The following PCDHGB2 variants were observed in gnomAD, a reference collection of about 807,000 sequenced individuals.
PCDHGB2 encodes the protein protocadherin gamma subfamily B, 2, also known as protocadherin gamma-B2.
PCDHGB2 carries 55 observed loss-of-function variants against 59.3 expected under a neutral mutation model. That is an observed-to-expected ratio of 0.93 (90% confidence interval 0.75 to 1.16). The LOEUF is 1.16. Ranked by LOEUF, PCDHGB2 falls within the 50% of genes most tolerant of loss-of-function variation. PCDHGB2 has a pLI of 0.00. For synonymous variants in PCDHGB2, 516 were observed against 512.0 expected, an observed-to-expected ratio of 1.01 and a Z score of -0.11; for missense variants, 1,228 against 1,198.5, an observed-to-expected ratio of 1.02 and a Z score of -0.36.
At chr5:141,478,496 C>G in intron 1 of PCDHGB2, 1 of 1,613,014 alleles carries the variant, frequency 6.2e-7, no homozygotes, top group Non-Finnish European at 8.5e-7. Flanking sequence ...GAGCTGTGAT[C>G]CGGTGTTCTA....
chr5:141,423,923 G>A (rs2096790975), intron 1 of PCDHGB2: 2 of 1,254,626 alleles, frequency 1.6e-6, no homozygotes, highest in African/African-American at 1.6e-5. Flanking sequence ...CAACTATGCT[G>A]GTTTGGTTTG....
intron 1 of PCDHGB2, chr5:141,398,979 C>T (rs769465343): frequency 1.9e-6 from 3 of 1,613,778 alleles, no homozygotes; most frequent in African/African-American, 1.3e-5. Context: ...TCTACAGAAC[C>T]GGGCAAATCT....
intron 1 of PCDHGB2, chr5:141,376,596 T>C: frequency 6.5e-7 from 1 of 1,549,136 alleles, no homozygotes; most frequent in South Asian, 1.2e-5. Flanking sequence ...GATCGGCTGT[T>C]ATAGAAGCGA....
At chr5:141,464,263 TAA>T (rs35224477) in intron 1 of PCDHGB2, among the ~76,000 whole-genome samples, 15 of 103,552 alleles carry the variant, frequency 1.4e-4, no homozygotes, top group Admixed American at 3.2e-4. Context: ...AGACTCCGTC[TAA>T]AAAAAAAAAA....
Position 141,476,540 on chromosome 5 carries a change from T to C in PCDHGB2, c.2422-18267T>C, listed in dbSNP as rs148362631. On this transcript the variant is annotated intron_variant, in intron 1 of 3. Coordinates refer to ENST00000522605, the MANE Select transcript of PCDHGB2 (RefSeq NM_018923.3). The surrounding 1 kb of genome is among the most constrained non-coding windows in gnomAD (Gnocchi z 7.6). Reference sequence around the variant, plus strand: ...TGCTTTCCCTACCCAGGAAATGAAATTGGAGATTAGCGAGGCCGTGGCTCC... The same window carrying C: ...TGCTTTCCCTACCCAGGAAATGAAACTGGAGATTAGCGAGGCCGTGGCTCC... 9.4e-5 allele frequency: 151 copies of C among 1,614,122 alleles called. 1 individual carries two copies. In the African/African-American group the frequency reaches 1.3e-3, roughly 14 times the overall value.
At chr5:141,479,084 G>A (rs749298402) in intron 1 of PCDHGB2, among the ~76,000 whole-genome samples, 19 of 152,016 alleles carry the variant, frequency 1.2e-4, no homozygotes, top group Non-Finnish European at 1.9e-4. Flanking sequence ...GAAATTCCAG[G>A]CATCCTTTAA....
chr5:141,386,595 AT>A (rs373179212), intron 1 of PCDHGB2, among the ~76,000 whole-genome samples: 3,552 of 145,572 alleles, frequency 0.024, 119 homozygotes, highest in African/African-American at 0.079. Flanking sequence ...TGGGGGATAC[AT>A]TTTTTTTTTT....
intron 1 of PCDHGB2, chr5:141,429,169 T>TACAC (rs10667977): frequency 0.077 from 11,199 of 145,388 alleles, 458 homozygotes; most frequent in African/African-American, 0.081. Flanking sequence ...ACATTGTTTA[T>TACAC]ACACACACAC....
chr5:141,394,048 G>A (rs1285768639), intron 1 of PCDHGB2: 5 of 1,613,504 alleles, frequency 3.1e-6, no homozygotes, highest in South Asian at 1.1e-5. Context: ...TATTTGGACC[G>A]AGAAAATGTC....
In PCDHGB2 at chr5:141,476,622, T is replaced by C. The variant is rs1480639256; in HGVS notation, c.2422-18185T>C. The C allele has an allele frequency of 6.2e-7, 1 of 1,614,238 alleles. No individual in the cohort carries two copies. The highest frequency in any genetic ancestry group is 2.2e-5 in the East Asian group (1 of 44,878). On this transcript the variant is annotated intron_variant, in intron 1 of 3. Transcript: ENST00000522605. This position sits in a 1 kb window ranked among gnomAD's most constrained non-coding sequence, Gnocchi z 7.6. ...GATCCCGATGTGGGAAGCAACTCTT[T>C]ACAAACCTATGAGCTGAGCCGAAAT...
rs747179611 is a variant in PCDHGB2 at position 141,476,473 on chromosome 5, C to T, written c.2422-18334C>T. ...TAGTGGAGAACCCGCTGGAGCTGTT[C>T]AGCGTGGAAGTGGTGATCCAGGACA... On this transcript the variant is annotated intron_variant, in intron 1 of 3. Coordinates refer to ENST00000522605, the MANE Select transcript of PCDHGB2 (RefSeq NM_018923.3). The surrounding 1 kb of genome is among the most constrained non-coding windows in gnomAD (Gnocchi z 7.6). 3.1e-6 allele frequency: 5 copies of T among 1,613,888 alleles called. No homozygotes were observed. The highest frequency in any genetic ancestry group is 3.3e-5 in the Admixed American group (2 of 59,984).
intron 1 of PCDHGB2, chr5:141,385,874 A>G (rs1465622834): frequency 6.5e-6 from 1 of 153,030 alleles, no homozygotes; most frequent in Non-Finnish European, 1.5e-5. Context: ...GGTTGGATTT[A>G]TGCCTAAAGA....
At chr5:141,421,718 G>C (rs778263773) in intron 1 of PCDHGB2, 1 of 1,613,966 alleles carries the variant, frequency 6.2e-7, no homozygotes, top group Middle Eastern at 1.7e-4. Context: ...CCAGATGTGG[G>C]CGTGAACTCC....
At chr5:141,426,427 G>A in intron 1 of PCDHGB2, 2 of 293,710 alleles carry the variant, frequency 6.8e-6, no homozygotes, top group Non-Finnish European at 1.3e-5. Context: ...CTCCGTGGTG[G>A]GGAACCTTGC....
intron 1 of PCDHGB2, chr5:141,370,882 G>A (rs762362899): frequency 6.2e-7 from 1 of 1,613,894 alleles, no homozygotes. Flanking sequence ...CCTGATGTAG[G>A]TGTCAATTCG....
At position 141,408,464 on chromosome 5, in the gene PCDHGB2, A is replaced by G. The variant is rs764186219; in HGVS notation, c.2421+45908A>G. ...GGAGAGCGGGGACTTACTTGTGAAG[A>G]ACCGAATAGACCGTGAGCAAATATG... On this transcript the variant is annotated intron_variant, in intron 1 of 3. Coordinates refer to ENST00000522605, the MANE Select transcript of PCDHGB2 (RefSeq NM_018923.3). The G allele has an allele frequency of 3.8e-5, 61 of 1,613,880 alleles. No homozygotes were observed. Among genetic ancestry groups the G allele is most frequent in the South Asian group, 1.4e-4 (13 of 91,024 alleles).
intron 3 of PCDHGB2, among the ~76,000 whole-genome samples, chr5:141,508,506 C>G (rs2099869342): frequency 6.6e-6 from 1 of 152,180 alleles, no homozygotes; most frequent in Admixed American, 6.5e-5. Context: ...TCTCTCCCTC[C>G]TGGTCCAGCC....
intron 1 of PCDHGB2, chr5:141,426,945 A>G: frequency 8.8e-6 from 4 of 456,724 alleles, no homozygotes; most frequent in Non-Finnish European, 1.8e-5. Context: ...CCCAGTCCCA[A>G]CTGGCACTGC....
chr5:141,415,752 T>G lies in PCDHGB2; in HGVS notation c.2421+53196T>G, dbSNP rs981275270. ...GATGTTTATTAAGGTTTTTTTTTTT[T>G]TTTTTTTTTTTTTTTTTTTTACTTT... On this transcript the variant is annotated intron_variant, in intron 1 of 3. Transcript: ENST00000522605. 5.6e-5 allele frequency: 77 copies of G among 1,372,446 alleles called. No individual in the cohort carries two copies. In the East Asian group the frequency reaches 6.8e-4, roughly 12 times the overall value. 85.0% of individuals were successfully genotyped at this position (1,372,446 alleles called of 1,614,324 possible).
Sources: allele counts gnomAD v4.1 joint callset (sites outside exome capture counted in the v4.1 genomes callset), GRCh38; gene constraint gnomAD v4.1.1; non-coding constraint Gnocchi (gnomAD v3.1); transcripts MANE v1.5; gene names NCBI Gene and HGNC (gene_info 2026-07-23, HGNC 2026-07-21).